Variants in RPS6KC1 observed in about 807,000 individuals in gnomAD.
RPS6KC1 encodes the protein ribosomal protein S6 kinase C1.
A neutral mutation model predicts 103.8 loss-of-function variants in RPS6KC1; 54 were observed. The ratio of observed to expected loss-of-function variants is 0.52; its 90% CI spans 0.42 to 0.65. RPS6KC1 has a LOEUF of 0.65. Among genes scored for constraint, RPS6KC1 ranks in the 30% least tolerant of loss-of-function variants. The probability of loss-of-function intolerance (pLI) is 0.00; values close to 1 mark genes in which losing one functional copy is unlikely to be tolerated. For synonymous variants in RPS6KC1, 439 were observed against 438.7 expected, an observed-to-expected ratio of 1.00 and a Z score of -0.01; for missense variants, 1,151 against 1,253.8, an observed-to-expected ratio of 0.92 and a Z score of 1.24.
At chr1:213,421,916 G>T in the RPS6KC1 span, among the ~76,000 whole-genome samples, 2 of 152,200 alleles carry the variant, frequency 1.3e-5, no homozygotes, top group Non-Finnish European at 2.9e-5. Flanking sequence ...TCATGGGATT[G>T]AATTTACTAT....
At chr1:213,225,740 A>G (rs1354445853) in intron 8 of RPS6KC1, among the ~76,000 whole-genome samples, 2 of 152,206 alleles carry the variant, frequency 1.3e-5, no homozygotes, top group East Asian at 3.9e-4. Context: ...AAGTGAGATC[A>G]GTAAGGAGGT....
chr1:213,240,121 A>G (rs1298836729), intron 10 of RPS6KC1, among the ~76,000 whole-genome samples: 2 of 152,132 alleles, frequency 1.3e-5, no homozygotes, highest in Non-Finnish European at 2.9e-5. Context: ...CTTATATAAC[A>G]TATTACATGT....
chr1:213,227,709 C>G (rs1022196462), intron 8 of RPS6KC1, among the ~76,000 whole-genome samples: 1 of 152,210 alleles, frequency 6.6e-6, no homozygotes, highest in Admixed American at 6.5e-5. Flanking sequence ...TCCTAGAAGC[C>G]TCTCTCCAGT....
chr1:213,642,583 A>G, the RPS6KC1 span, among the ~76,000 whole-genome samples: 4 of 152,034 alleles, frequency 2.6e-5, no homozygotes, highest in Non-Finnish European at 5.9e-5. Flanking sequence ...AATCCTGAAT[A>G]TCAAGCCTTT....
intron 6 of RPS6KC1, among the ~76,000 whole-genome samples, chr1:213,159,168 T>G (rs911211136): frequency 6.6e-6 from 1 of 152,136 alleles, no homozygotes; most frequent in Non-Finnish European, 1.5e-5. Flanking sequence ...TAGTATACTA[T>G]AGCCTATTGG....
the RPS6KC1 span, among the ~76,000 whole-genome samples, chr1:213,702,971 GTTAT>G: frequency 6.6e-6 from 1 of 151,678 alleles, no homozygotes; most frequent in Admixed American, 6.6e-5. Context: ...CTACCATTTT[GTTAT>G]TTGTTTCCTG....
chr1:213,282,881 T>C, the RPS6KC1 span, among the ~76,000 whole-genome samples: 2 of 152,224 alleles, frequency 1.3e-5, no homozygotes, highest in African/African-American at 2.4e-5. Flanking sequence ...GCTTTCATTA[T>C]TTGATTTCTA....
chr1:213,480,713 G>GA, the RPS6KC1 span, among the ~76,000 whole-genome samples: 1 of 151,834 alleles, frequency 6.6e-6, no homozygotes, highest in African/African-American at 2.4e-5. Context: ...TTAAAGTCAG[G>GA]AAAAAAAGTC....
chr1:213,372,897 T>C, the RPS6KC1 span, among the ~76,000 whole-genome samples: 4 of 152,094 alleles, frequency 2.6e-5, no homozygotes, highest in African/African-American at 9.7e-5. Context: ...TATAAATAAA[T>C]ATCTGTATTC....
chr1:213,594,434 A>C, the RPS6KC1 span, among the ~76,000 whole-genome samples: 2 of 152,188 alleles, frequency 1.3e-5, no homozygotes, highest in African/African-American at 2.4e-5. Context: ...CTTTTACTTT[A>C]AAAAATATGA....
At chr1:213,671,440 T>C in the RPS6KC1 span, among the ~76,000 whole-genome samples, 3 of 152,132 alleles carry the variant, frequency 2.0e-5, no homozygotes, top group Non-Finnish European at 4.4e-5. Context: ...AGGAGGAGTT[T>C]TGGTGATTTA....
chr1:213,691,280 A>G, the RPS6KC1 span, among the ~76,000 whole-genome samples: 1 of 152,226 alleles, frequency 6.6e-6, no homozygotes, highest in African/African-American at 2.4e-5. Context: ...TTTTTAATGT[A>G]AACCTCCAAA....
the RPS6KC1 span, among the ~76,000 whole-genome samples, chr1:213,804,402 TA>T: frequency 0.019 from 2,919 of 152,234 alleles, 114 homozygotes; most frequent in African/African-American, 0.067. Context: ...GCCTCCTTTC[TA>T]TTCTGAAAAC....
the RPS6KC1 span, among the ~76,000 whole-genome samples, chr1:213,745,027 A>C: frequency 1.3e-5 from 2 of 152,210 alleles, no homozygotes; most frequent in East Asian, 3.9e-4. Context: ...ACACGCTGGC[A>C]GTGGTGTCCC....
intron 6 of RPS6KC1, among the ~76,000 whole-genome samples, chr1:213,150,078 G>T (rs2088478367): frequency 6.6e-6 from 1 of 152,012 alleles, no homozygotes; most frequent in South Asian, 2.1e-4. Flanking sequence ...AGACTAATGG[G>T]TCTTGTTTTT....
the RPS6KC1 span, chr1:213,832,768 G>C: frequency 1.3e-5 from 2 of 152,200 alleles, no homozygotes; most frequent in Non-Finnish European, 2.9e-5. Flanking sequence ...GATTGCATTA[G>C]AGTGATTTTT....
At chr1:213,658,060 C>T in the RPS6KC1 span, among the ~76,000 whole-genome samples, 5 of 152,114 alleles carry the variant, frequency 3.3e-5, no homozygotes, top group African/African-American at 9.7e-5. Context: ...TCAAATTCCA[C>T]CTGTAGGGAG....
chr1:213,693,181 C>T, the RPS6KC1 span, among the ~76,000 whole-genome samples: 260 of 152,342 alleles, frequency 1.7e-3, 1 homozygote, highest in African/African-American at 5.9e-3. Flanking sequence ...TCAATCTATT[C>T]TCAGCAGCCA....
intron 12 of RPS6KC1, among the ~76,000 whole-genome samples, chr1:213,254,185 A>G (rs2094594481): frequency 6.6e-6 from 1 of 152,220 alleles, no homozygotes; most frequent in Admixed American, 6.5e-5. Flanking sequence ...CATTAGTATT[A>G]ATCAGTAAGA....
Sources: allele counts gnomAD v4.1 joint callset (sites outside exome capture counted in the v4.1 genomes callset), GRCh38; gene constraint gnomAD v4.1.1; transcripts MANE v1.5; gene names NCBI Gene and HGNC (gene_info 2026-07-23, HGNC 2026-07-21).